The following FGF12 variants were observed in gnomAD, a reference collection of about 807,000 sequenced individuals.
FGF12 encodes fibroblast growth factor 12B.
FGF12 carries 14 observed loss-of-function variants against 23.6 expected under a neutral mutation model. The ratio of observed to expected loss-of-function variants is 0.59; its 90% CI spans 0.39 to 0.93. FGF12 has a LOEUF of 0.93. FGF12 is among the 40% of genes least tolerant of loss of function. The pLI is 0.00. For missense variants in FGF12, 175 were observed against 217.8 expected, an observed-to-expected ratio of 0.80 and a Z score of 1.24; for synonymous variants, 62 against 77.3, an observed-to-expected ratio of 0.80 and a Z score of 1.04.
chr3:192,377,293 C>T (rs1191440207), intron 2 of FGF12, among the ~76,000 whole-genome samples: 6 of 152,208 alleles, frequency 3.9e-5, no homozygotes, highest in African/African-American at 1.4e-4. Context: ...CTGATGCTCA[C>T]CTGTTGATGC....
chr3:192,402,363 G>A (rs1207066948), intron 2 of FGF12, among the ~76,000 whole-genome samples: 2 of 152,154 alleles, frequency 1.3e-5, no homozygotes, highest in African/African-American at 4.8e-5. Context: ...TAACAACATA[G>A]CCATGGGACT....
rs145535501 is a variant in FGF12 at position 192,300,027 on chromosome 3, G to C, written c.228+35334C>G. Among the ~76,000 whole-genome samples, 559 of 152,164 alleles carry C rather than the reference G, an allele frequency of 3.7e-3. 5 individuals are homozygous for C. The highest frequency in any genetic ancestry group is 0.024 in the Middle Eastern group (7 of 294). On this transcript the variant is annotated intron_variant, in intron 4 of 5. Transcript: ENST00000445105. ...GTGATGCTCCACCTGTCCCACTGGG[G>C]CCTATTTTCTCTATGGATTGTGTTC...
chr3:192,560,792 A>C (rs1711987139), intron 2 of FGF12, among the ~76,000 whole-genome samples: 1 of 152,322 alleles, frequency 6.6e-6, no homozygotes, highest in East Asian at 1.9e-4. Flanking sequence ...CCTAAATTAG[A>C]GGAAGAAATA....
At chr3:192,540,872 C>T (rs182721025) in intron 2 of FGF12, among the ~76,000 whole-genome samples, 1 of 152,060 alleles carries the variant, frequency 6.6e-6, no homozygotes, top group East Asian at 1.9e-4. Flanking sequence ...GAATTGATTT[C>T]TTTATCATTA....
At chr3:192,612,935 G>A (rs1232098735) in intron 2 of FGF12, among the ~76,000 whole-genome samples, 1 of 151,552 alleles carries the variant, frequency 6.6e-6, no homozygotes, top group African/African-American at 2.4e-5. Context: ...ACAATTTTAA[G>A]GCAAAAACAA....
At position 192,684,674 on chromosome 3, in the gene FGF12, G is replaced by A. The variant is rs1017528397; in HGVS notation, c.13+42507C>T. Among the ~76,000 whole-genome samples the A allele has an allele frequency of 1.1e-4, 16 of 152,232 alleles. No individual in the cohort carries two copies. The East Asian group carries it at 1.3e-3, about 13-fold the overall frequency. On this transcript the variant is annotated intron_variant, in intron 2 of 5. Transcript: ENST00000445105. ...TGATTCAAAATCAGGGTTTAAAAGC[G>A]TATTTTGATGATCATCATCAAATTT... is the stretch of plus-strand genomic sequence containing the variant.
chr3:192,490,064 T>G (rs1047672595), intron 2 of FGF12, among the ~76,000 whole-genome samples: 2 of 152,254 alleles, frequency 1.3e-5, no homozygotes, highest in African/African-American at 4.8e-5. Context: ...AAATCCATCC[T>G]CATTTGATGA....
intron 5 of FGF12, among the ~76,000 whole-genome samples, chr3:192,148,940 A>G (rs1713883060): frequency 6.6e-6 from 1 of 152,176 alleles, no homozygotes; most frequent in African/African-American, 2.4e-5. Flanking sequence ...GATGAGACAT[A>G]AGTGCAAAAA....
intron 2 of FGF12, among the ~76,000 whole-genome samples, chr3:192,647,901 T>A (rs1209175785): frequency 6.6e-6 from 1 of 151,938 alleles, no homozygotes; most frequent in Non-Finnish European, 1.5e-5. Flanking sequence ...AATAGCAGAT[T>A]AAAAATATTT....
At chr3:192,641,487 C>T (rs529947878) in intron 2 of FGF12, among the ~76,000 whole-genome samples, 2 of 151,012 alleles carry the variant, frequency 1.3e-5, no homozygotes, top group African/African-American at 2.4e-5. Context: ...TCATCACAAC[C>T]TCTGTCTCCC....
At chr3:192,582,852 C>T (rs1480427698) in intron 2 of FGF12, among the ~76,000 whole-genome samples, 2 of 152,138 alleles carry the variant, frequency 1.3e-5, no homozygotes, top group East Asian at 1.9e-4. Flanking sequence ...CAGGTACTCC[C>T]CAGGCCTACC....
At chr3:192,510,545 T>C (rs1001274280) in intron 2 of FGF12, among the ~76,000 whole-genome samples, 2 of 152,170 alleles carry the variant, frequency 1.3e-5, no homozygotes, top group African/African-American at 4.8e-5. Flanking sequence ...TACAGCAACT[T>C]TGAAAGACAG....
rs1713503372 is a variant in FGF12, at chr3:192,143,226, A to AG, written c.*782_*783insC. 6.6e-6 allele frequency: 1 copy of AG among 151,432 alleles called. No individual in the cohort carries two copies. The highest frequency in any genetic ancestry group is 2.4e-5 in the African/African-American group (1 of 41,224). 9.4% of individuals were successfully genotyped at this position (151,432 alleles called of 1,614,324 possible). A position where few individuals can be genotyped will look rare whatever the true frequency, so the allele number is the denominator to read the frequency against. ...TAATGTTTTTGCTAAATTACTAAAA[A>AG]AAAAAAAAAAAGAAAGAAAGAAGAA... On this transcript the variant is annotated 3_prime_UTR_variant, in exon 6 of 6. Transcript: ENST00000445105.
Position 192,282,534 on chromosome 3 carries a change from G to A in FGF12, c.228+52827C>T, listed in dbSNP as rs190475470. On this transcript the variant is annotated intron_variant, in intron 4 of 5. Transcript: ENST00000445105. ...GTGTACTATGTACCAAAATCAAAAA[G>A]TAAGTATGTAAATGACTATATCTTT... is the stretch of plus-strand genomic sequence containing the variant. 3.4e-4 allele frequency among the ~76,000 whole-genome samples: 52 copies of A among 152,184 alleles called. 1 individual carries two copies. In the East Asian group the frequency reaches 9.3e-3, roughly 27 times the overall value.
intron 2 of FGF12, among the ~76,000 whole-genome samples, chr3:192,415,718 C>CTT (rs1167292435): frequency 8.4e-6 from 1 of 119,486 alleles, no homozygotes; most frequent in Non-Finnish European, 1.7e-5. Context: ...TGATACTTCT[C>CTT]TTCTCTCTCT....
chr3:192,193,696 T>C (rs190740238), intron 4 of FGF12, among the ~76,000 whole-genome samples: 30 of 152,286 alleles, frequency 2.0e-4, no homozygotes, highest in African/African-American at 7.2e-4. Flanking sequence ...CATGACTCTA[T>C]ACCTATCTTG....
intron 4 of FGF12, among the ~76,000 whole-genome samples, chr3:192,235,196 T>C (rs1478042347): frequency 1.3e-5 from 2 of 152,166 alleles, no homozygotes; most frequent in Admixed American, 6.5e-5. Flanking sequence ...TTGTATGTTG[T>C]TTATTACTGA....
chr3:192,268,551 A>G (rs1220243983), intron 4 of FGF12: 1 of 215,440 alleles, frequency 4.6e-6, no homozygotes, highest in African/African-American at 2.3e-5. Context: ...CATCCCCTTG[A>G]TGATAAGTGA....
intron 2 of FGF12, among the ~76,000 whole-genome samples, chr3:192,488,561 A>G (rs1419875429): frequency 6.6e-6 from 1 of 151,984 alleles, no homozygotes; most frequent in African/African-American, 2.4e-5. Context: ...CTTTCCTTCC[A>G]TTCAATACAG....
Sources: gnomAD v4.1 joint callset for allele counts (sites outside exome capture counted in the v4.1 genomes callset) on GRCh38, gnomAD v4.1.1 for gene constraint, MANE v1.5 for transcripts, NCBI Gene and HGNC (gene_info 2026-07-23, HGNC 2026-07-21) for gene names.